The following CDKL5 variants were observed in gnomAD, a reference collection of about 807,000 sequenced individuals.
CDKL5 encodes the protein cyclin dependent kinase like 5.
A neutral mutation model predicts 61.7 loss-of-function variants in CDKL5; 8 were observed. That is an observed-to-expected ratio of 0.13 (90% CI 0.08 to 0.23). The LOEUF (loss-of-function observed/expected upper bound fraction) is 0.23, where lower values mean the gene tolerates loss of function less well. Among genes scored for constraint, CDKL5 ranks in the 10% least tolerant of loss-of-function variants. The probability of loss-of-function intolerance (pLI) is 1.00; values close to 1 mark genes in which losing one functional copy is unlikely to be tolerated. For missense variants in CDKL5, 440 were observed against 734.5 expected (o/e 0.60, Z 4.63); for synonymous variants, 275 against 272.3 (o/e 1.01, Z -0.10).
At chrX:18,473,992 C>T (rs752525477) in intron 1 of CDKL5, among the ~76,000 whole-genome samples, 5 of 108,232 alleles carry the variant, frequency 4.6e-5, no homozygotes, top group Non-Finnish European at 9.6e-5. Context: ...CCTCAGCCTC[C>T]TGAGTAGCTG....
chrX:18,602,734 C>T (rs750694818), intron 11 of CDKL5, among the ~76,000 whole-genome samples: 1 of 110,995 alleles, frequency 9.0e-6, no homozygotes, highest in East Asian at 2.8e-4. Context: ...TGCAGGTTCT[C>T]ATGGGGAAAA....
rs757790471 is a variant in CDKL5, at chrX:18,451,290, C to T, written c.-163+25595C>T. Among the ~76,000 whole-genome samples the T allele has an allele frequency of 2.7e-5, 3 of 111,022 alleles. No individual in the cohort carries two copies. The East Asian group carries it at 8.6e-4, about 32-fold the overall frequency. On this transcript the variant is annotated intron_variant, in intron 1 of 17. Transcript: ENST00000623535. ...CACTGCAACCTCCATCTTCCGGGTT[C>T]AAACGATTCTCCTGCCTCAGGCTCC...
intron 3 of CDKL5, among the ~76,000 whole-genome samples, chrX:18,525,544 G>A (rs901104157): frequency 1.8e-5 from 2 of 110,713 alleles, no homozygotes; most frequent in African/African-American, 6.6e-5. Flanking sequence ...GTAGTTTTGT[G>A]TTATCTTAAA....
intron 1 of CDKL5, among the ~76,000 whole-genome samples, chrX:18,489,406 C>T (rs1019160088): frequency 1.3e-4 from 14 of 110,516 alleles, no homozygotes; most frequent in African/African-American, 4.3e-4. Flanking sequence ...AGTGATCCTC[C>T]CGCCTCAGCC....
chrX:18,646,136 A>G (rs746238504), intron 20 of CDKL5: 22 of 1,207,682 alleles, frequency 1.8e-5, no homozygotes, highest in Non-Finnish European at 2.5e-5. Flanking sequence ...TAACGACCCT[A>G]GACTACTGAA....
chrX:18,628,113 G>A (rs181911400), intron 17 of CDKL5, among the ~76,000 whole-genome samples: 30 of 111,987 alleles, frequency 2.7e-4, no homozygotes, highest in Non-Finnish European at 7.5e-5. Flanking sequence ...ATGCAACCAG[G>A]TAGATGAGCC....
intron 15 of CDKL5, 64 bp from the exon 16 acceptor site, chrX:18,619,803 T>G (rs781451466): frequency 1.3e-6 from 1 of 753,358 alleles, no homozygotes; most frequent in South Asian, 2.3e-5. Flanking sequence ...CCTTATTATA[T>G]TTGTCACACA....
At position 18,629,153 on chromosome X, in the gene CDKL5, C is replaced by T; in HGVS notation, c.*396C>T. On this transcript the variant is annotated 3_prime_UTR_variant, in exon 18 of 18. Transcript: ENST00000623535. ...AAAGTCGTGTTGACCGATGCCCTTA[C>T]TACATATTTTTTTCTGCCTAGAGTA... 2 of 767,226 alleles carry T rather than the reference C, an allele frequency of 2.6e-6. No individual in the cohort carries two copies. The highest frequency in any genetic ancestry group is 6.5e-5 in the South Asian group (1 of 15,426). 63.2% of individuals were successfully genotyped at this position (767,226 alleles called of 1,213,427 possible). A position where few individuals can be genotyped will look rare whatever the true frequency, so the allele number is the denominator to read the frequency against.
In CDKL5 at chrX:18,628,986, A is replaced by G; in HGVS notation, c.*229A>G. 2.0e-6 allele frequency: 2 copies of G among 1,000,257 alleles called. No individual in the cohort carries two copies. Among genetic ancestry groups the G allele is most frequent in the South Asian group, 3.5e-5 (1 of 28,219 alleles). The allele number at this position is 1,000,257 out of a possible 1,213,427, so 82.4% of individuals were successfully genotyped here. On this transcript the variant is annotated 3_prime_UTR_variant, in exon 18 of 18. Coordinates refer to ENST00000623535, the MANE Select transcript of CDKL5 (RefSeq NM_001323289.2). ...TTCCTTAGGGATCGCCACTCCCCACAGGTCTTGTGTGAGAATAGATAGAGT... is the reference window on the plus strand; with the variant it reads ...TTCCTTAGGGATCGCCACTCCCCACGGGTCTTGTGTGAGAATAGATAGAGT...
intron 16 of CDKL5, among the ~76,000 whole-genome samples, chrX:18,620,866 C>T (rs1926869976): frequency 9.0e-6 from 1 of 110,576 alleles, no homozygotes; most frequent in Admixed American, 9.6e-5. Flanking sequence ...CCCACCTCAG[C>T]CTCCCAAATA....
rs770882592 is a variant in CDKL5 at position 18,524,327 on chromosome X, GCA to G, written c.99+13476_99+13477del. 5.3e-5 allele frequency among the ~76,000 whole-genome samples: 6 copies of G among 112,422 alleles called. No homozygotes were observed. In the East Asian group the frequency reaches 8.3e-4, roughly 16 times the overall value. On this transcript the variant is annotated intron_variant, in intron 3 of 17. Coordinates refer to ENST00000623535, the MANE Select transcript of CDKL5 (RefSeq NM_001323289.2). ...TAAAGGTAGGTGGGCAGTTTAAAAT[GCA>G]CAGTGTTATCACAAAGCAGCTACCT...
chrX:18,622,449 C>T (rs887925597), intron 16 of CDKL5, among the ~76,000 whole-genome samples: 2 of 112,113 alleles, frequency 1.8e-5, no homozygotes, highest in Middle Eastern at 4.6e-3. Context: ...CAGAGTCCTA[C>T]GCCTGACATT....
chrX:18,522,765 T>G (rs1923297035), intron 3 of CDKL5, among the ~76,000 whole-genome samples: 1 of 110,463 alleles, frequency 9.1e-6, no homozygotes, highest in African/African-American at 3.3e-5. Flanking sequence ...TTAAGATTGT[T>G]TGTTGCCAGT....
At chrX:18,644,602 T>C, downstream of CDKL5, 1 of 1,211,353 alleles carries the variant, frequency 8.3e-7, no homozygotes, top group South Asian at 1.8e-5. Flanking sequence ...GCTACTGTCC[T>C]GGAACTTGGA....
intron 6 of CDKL5, 54 bp from the exon 7 acceptor site, chrX:18,581,837 A>G (rs1925488454): frequency 2.5e-6 from 2 of 800,183 alleles, no homozygotes; most frequent in South Asian, 2.1e-5. Context: ...AACAGTGTCA[A>G]TCAGGAGAAC....
At chrX:18,469,116 A>G (rs1474859112) in intron 1 of CDKL5, among the ~76,000 whole-genome samples, 3 of 109,300 alleles carry the variant, frequency 2.7e-5, no homozygotes, top group Non-Finnish European at 5.7e-5. Context: ...AGGCGGGCAG[A>G]TCATTGGAGG....
chrX:18,493,999 C>T (rs776299806), intron 1 of CDKL5, among the ~76,000 whole-genome samples: 40 of 111,399 alleles, frequency 3.6e-4, no homozygotes, highest in Admixed American at 3.4e-3. Context: ...TCTGCAGCTT[C>T]GACTTCCTGT....
chrX:18,590,255 G>GTT (rs200552345), intron 9 of CDKL5, among the ~76,000 whole-genome samples: 2,374 of 111,544 alleles, frequency 0.021, 49 homozygotes, highest in African/African-American at 0.061. Context: ...TTCTTCTAGG[G>GTT]TTTATGGTTT....
chrX:18,442,920 T>G (rs1931786853), intron 1 of CDKL5, among the ~76,000 whole-genome samples: 1 of 112,212 alleles, frequency 8.9e-6, no homozygotes, highest in African/African-American at 3.2e-5. Flanking sequence ...AGCGTTTCCT[T>G]AAGTCTAAGC....
Sources: allele counts gnomAD v4.1 joint callset (sites outside exome capture counted in the v4.1 genomes callset), GRCh38; gene constraint gnomAD v4.1.1; transcripts MANE v1.5; gene names NCBI Gene and HGNC (gene_info 2026-07-23, HGNC 2026-07-21).